The following DKK2 variants were observed in gnomAD, a reference collection of about 807,000 sequenced individuals.
The protein encoded by DKK2 is dickkopf Wnt signaling pathway inhibitor 2.
Under a neutral mutation model 28.1 loss-of-function variants are expected in DKK2, and 11 were observed. The ratio of observed to expected loss-of-function variants is 0.39; its 90% CI spans 0.25 to 0.65. DKK2 has a LOEUF of 0.65. DKK2 is among the 30% of genes least tolerant of loss of function. The pLI is 0.47. For missense variants in DKK2, 326 were observed against 335.5 expected (o/e 0.97, Z 0.22); for synonymous variants, 135 against 126.5 (o/e 1.07, Z -0.45).
intron 1 of DKK2, among the ~76,000 whole-genome samples, chr4:106,969,275 C>G (rs12512905): frequency 0.17 from 25,145 of 151,016 alleles, 2,547 homozygotes; most frequent in East Asian, 0.41. Context: ...TCTCCCTTTT[C>G]CTCTCTCATC....
At chr4:107,021,336 A>C (rs10031834) in intron 1 of DKK2, among the ~76,000 whole-genome samples, 3,148 of 152,174 alleles carry the variant, frequency 0.021, 119 homozygotes, top group African/African-American at 0.072. Context: ...GGCCTAAAAT[A>C]AACAAACATG....
chr4:106,965,044 A>G (rs1722751670), intron 1 of DKK2, among the ~76,000 whole-genome samples: 1 of 152,182 alleles, frequency 6.6e-6, no homozygotes, highest in Non-Finnish European at 1.5e-5. Flanking sequence ...TGCCTGATAT[A>G]GTTCAGTGTT....
At position 106,924,652 on chromosome 4, in the gene DKK2, G is replaced by C. The variant is rs756566924; in HGVS notation, c.422C>G (p.Ala141Gly). Residue 141 changes from alanine to glycine, a missense_variant, in exon 3 of 4, where the codon GCT becomes GGT. Transcript: ENST00000285311. ...TESILTPHIP[A>G]LDGTRHRDRN... is the part of the protein sequence containing the mutation. ...ATCTCTGTGCCGAGTACCATCCAGA[G>C]CCGGGATGTGAGGGGTTAAGATGCT... 1.9e-6 allele frequency: 3 copies of C among 1,613,834 alleles called. No homozygotes were observed. Among genetic ancestry groups the C allele is most frequent in the Non-Finnish European group, 2.5e-6 (3 of 1,179,826 alleles).
At chr4:107,021,291 C>A (rs986379515) in intron 1 of DKK2, among the ~76,000 whole-genome samples, 1 of 151,928 alleles carries the variant, frequency 6.6e-6, no homozygotes, top group Non-Finnish European at 1.5e-5. Flanking sequence ...GTGTGTTAAT[C>A]AATATGTATG....
chr4:106,972,099 T>C (rs1022015370), intron 1 of DKK2, among the ~76,000 whole-genome samples: 1 of 152,078 alleles, frequency 6.6e-6, no homozygotes, highest in Non-Finnish European at 1.5e-5. Context: ...ATACACTTTT[T>C]TCAGTGCAAC....
chr4:106,964,932 G>A (rs1413594689), intron 1 of DKK2, among the ~76,000 whole-genome samples: 1 of 149,566 alleles, frequency 6.7e-6, no homozygotes, highest in Non-Finnish European at 1.5e-5. Context: ...GAGAGAGAGA[G>A]ATGATAGATT....
At chr4:106,964,533 A>T (rs1470623535) in intron 1 of DKK2, among the ~76,000 whole-genome samples, 1 of 152,200 alleles carries the variant, frequency 6.6e-6, no homozygotes, top group East Asian at 1.9e-4. Context: ...TCATAAAGAA[A>T]TGTTGATTTC....
At chr4:106,970,714 T>A (rs1722857573) in intron 1 of DKK2, among the ~76,000 whole-genome samples, 1 of 152,066 alleles carries the variant, frequency 6.6e-6, no homozygotes. Flanking sequence ...ATGTTAGCAT[T>A]GTAGCAAAAG....
At chr4:106,988,982 C>T (rs898470290) in intron 1 of DKK2, among the ~76,000 whole-genome samples, 1 of 152,158 alleles carries the variant, frequency 6.6e-6, no homozygotes, top group African/African-American at 2.4e-5. Flanking sequence ...AAGCTAGGCT[C>T]ACCTGAATGC....
At chr4:106,949,500 T>G (rs1028773648) in intron 1 of DKK2, among the ~76,000 whole-genome samples, 1 of 152,122 alleles carries the variant, frequency 6.6e-6, no homozygotes, top group African/African-American at 2.4e-5. Context: ...ATACATCAAA[T>G]AAAAGCATAA....
chr4:106,965,652 A>C (rs1578360409), intron 1 of DKK2, among the ~76,000 whole-genome samples: 1 of 151,188 alleles, frequency 6.6e-6, no homozygotes, highest in Admixed American at 6.6e-5. Context: ...TGTGCAGGTT[A>C]GTTACATATG....
chr4:106,997,919 T>C (rs115381581), intron 1 of DKK2, among the ~76,000 whole-genome samples: 2,851 of 152,320 alleles, frequency 0.019, 58 homozygotes, highest in Non-Finnish European at 0.025. Context: ...CATTAGAGTG[T>C]AGTGTTACCT....
intron 1 of DKK2, among the ~76,000 whole-genome samples, chr4:106,946,984 A>T (rs144544318): frequency 8.3e-4 from 126 of 152,240 alleles, no homozygotes; most frequent in African/African-American, 2.9e-3. Context: ...AGAGGTAAAG[A>T]TGTTTAAAAC....
intron 3 of DKK2, 58 bp from the exon 4 acceptor site, chr4:106,924,262 T>C (rs923147693): frequency 5.6e-5 from 88 of 1,578,794 alleles, no homozygotes; most frequent in Non-Finnish European, 4.6e-5. Context: ...AAAAATTCTA[T>C]TTTGCAATCA....
chr4:106,979,315 CTG>C (rs1383309502), intron 1 of DKK2, among the ~76,000 whole-genome samples: 1 of 152,140 alleles, frequency 6.6e-6, no homozygotes, highest in Non-Finnish European at 1.5e-5. Flanking sequence ...AAAAAACTGA[CTG>C]TAGGCTAACA....
At chr4:106,984,206 A>G (rs998080291) in intron 1 of DKK2, among the ~76,000 whole-genome samples, 1 of 152,206 alleles carries the variant, frequency 6.6e-6, no homozygotes. Flanking sequence ...GTATTAATAA[A>G]TGTATCATCT....
intron 1 of DKK2, among the ~76,000 whole-genome samples, chr4:107,030,040 G>A (rs993270193): frequency 1.3e-5 from 2 of 151,814 alleles, no homozygotes; most frequent in East Asian, 3.9e-4. Flanking sequence ...CAGATTCAGG[G>A]GTTGTGGAAT....
At position 107,026,740 on chromosome 4, in the gene DKK2, C is replaced by T. The variant is rs1723786572; in HGVS notation, c.222+8630G>A. Among the ~76,000 whole-genome samples the T allele has an allele frequency of 3.3e-5, 5 of 151,904 alleles. No homozygotes were observed. In the South Asian group the frequency reaches 6.2e-4, roughly 19 times the overall value. ...TATGAGAAATCACGATTTTGTTGCC[C>T]GACTCCAGAAAATATGAGGTTAACA... On this transcript the variant is annotated intron_variant, in intron 1 of 3. Transcript: ENST00000285311.
chr4:106,981,125 T>G (rs971474151), intron 1 of DKK2, among the ~76,000 whole-genome samples: 1 of 152,126 alleles, frequency 6.6e-6, no homozygotes, highest in African/African-American at 2.4e-5. Flanking sequence ...ACTTTGCTAT[T>G]AAATCATTAG....
Sources: allele counts gnomAD v4.1 joint callset (sites outside exome capture counted in the v4.1 genomes callset), GRCh38; gene constraint gnomAD v4.1.1; transcripts MANE v1.5; gene names NCBI Gene and HGNC (gene_info 2026-07-23, HGNC 2026-07-21).